Variants in CDH13 observed in about 807,000 individuals in gnomAD.
CDH13 encodes cadherin-13.
A neutral mutation model predicts 63.8 loss-of-function variants in CDH13; 24 were observed. That is an observed-to-expected ratio of 0.38 (90% CI 0.27 to 0.53). The LOEUF (loss-of-function observed/expected upper bound fraction) is 0.53, where lower values mean the gene tolerates loss of function less well. Among genes scored for constraint, CDH13 ranks in the 20% least tolerant of loss-of-function variants. CDH13 has a pLI of 0.85. For synonymous variants in CDH13, 503 were observed against 355.3 expected, an observed-to-expected ratio of 1.42 and a Z score of -4.67; for missense variants, 1,049 against 903.1, an observed-to-expected ratio of 1.16 and a Z score of -2.07.
At chr16:83,477,681 G>T (rs759073999) in intron 6 of CDH13, among the ~76,000 whole-genome samples, 4 of 152,184 alleles carry the variant, frequency 2.6e-5, no homozygotes, top group African/African-American at 4.8e-5. Context: ...TTTTAAAGTT[G>T]TAATCTGGAG....
chr16:82,743,719 T>C (rs4783262), intron 1 of CDH13, among the ~76,000 whole-genome samples: 58,811 of 151,898 alleles, frequency 0.39, 12,104 homozygotes, highest in South Asian at 0.48. Flanking sequence ...AAGTGTTGCT[T>C]GTCCCCCACT....
intron 4 of CDH13, among the ~76,000 whole-genome samples, chr16:83,168,138 C>T (rs766432548): frequency 2.6e-5 from 4 of 151,882 alleles, no homozygotes; most frequent in Non-Finnish European, 4.4e-5. Context: ...CAAACCTCAG[C>T]GCCACACAAT....
At chr16:83,136,980 A>G (rs2036317470) in intron 4 of CDH13, among the ~76,000 whole-genome samples, 1 of 152,238 alleles carries the variant, frequency 6.6e-6, no homozygotes, top group East Asian at 1.9e-4. Context: ...CTGAATGTTT[A>G]ACAATGGACT....
At chr16:83,068,854 A>G (rs564274503) in intron 3 of CDH13, among the ~76,000 whole-genome samples, 3 of 152,168 alleles carry the variant, frequency 2.0e-5, no homozygotes, top group Non-Finnish European at 4.4e-5. Context: ...TTGTTGTTCA[A>G]TTTCTGGCCA....
intron 2 of CDH13, among the ~76,000 whole-genome samples, chr16:82,912,206 T>C (rs1384296464): frequency 6.6e-6 from 1 of 152,248 alleles, no homozygotes; most frequent in Non-Finnish European, 1.5e-5. Context: ...CTGAGACATG[T>C]TCAAATGTTG....
At chr16:83,286,445 G>A (rs180874245) in intron 5 of CDH13, among the ~76,000 whole-genome samples, 16 of 152,254 alleles carry the variant, frequency 1.1e-4, no homozygotes, top group Admixed American at 3.3e-4. Flanking sequence ...ACAAATTTGG[G>A]TGATAGAAGT....
intron 3 of CDH13, among the ~76,000 whole-genome samples, chr16:83,109,959 A>T (rs569869040): frequency 6.6e-6 from 1 of 152,190 alleles, no homozygotes; most frequent in Admixed American, 6.5e-5. Flanking sequence ...TTCAGAGGCA[A>T]TTGCATCTTG....
At chr16:83,213,453 T>C (rs2039396890) in intron 4 of CDH13, among the ~76,000 whole-genome samples, 1 of 152,030 alleles carries the variant, frequency 6.6e-6, no homozygotes, top group South Asian at 2.1e-4. Flanking sequence ...GGGTGCTGTG[T>C]TCCCAACTTT....
chr16:83,508,519 T>G (rs989067243), intron 7 of CDH13: 7 of 152,614 alleles, frequency 4.6e-5, no homozygotes, highest in African/African-American at 1.7e-4. Context: ...CATGGGAGTG[T>G]GCTCAGTCTT....
intron 1 of CDH13, among the ~76,000 whole-genome samples, chr16:82,757,852 C>T (rs1306017280): frequency 2.6e-5 from 4 of 151,946 alleles, no homozygotes; most frequent in South Asian, 2.1e-4. Context: ...AGTTTCACCA[C>T]GTTACACAAG....
intron 1 of CDH13, among the ~76,000 whole-genome samples, chr16:82,776,531 T>C (rs141617770): frequency 1.1e-3 from 162 of 152,342 alleles, no homozygotes; most frequent in African/African-American, 3.7e-3. Flanking sequence ...AGTATTATAA[T>C]GTGCAGACAA....
chr16:82,648,890 G>T (rs1910410512), intron 1 of CDH13, among the ~76,000 whole-genome samples: 2 of 152,162 alleles, frequency 1.3e-5, no homozygotes, highest in South Asian at 4.1e-4. Context: ...GATTGAATCA[G>T]GAAACACCCA....
At chr16:82,640,325 GTGT>G (rs540086847) in intron 1 of CDH13, among the ~76,000 whole-genome samples, 2 of 152,172 alleles carry the variant, frequency 1.3e-5, no homozygotes, top group South Asian at 2.1e-4. Context: ...CACTGATAAA[GTGT>G]TGTTGGTCAA....
intron 5 of CDH13, among the ~76,000 whole-genome samples, chr16:83,342,305 C>G (rs1027408938): frequency 6.6e-6 from 1 of 152,156 alleles, no homozygotes; most frequent in African/African-American, 2.4e-5. Flanking sequence ...ATCTTTTTCT[C>G]TTGTTTATCA....
At chr16:83,170,527 C>T (rs1237540106) in intron 4 of CDH13, among the ~76,000 whole-genome samples, 1 of 152,108 alleles carries the variant, frequency 6.6e-6, no homozygotes, top group African/African-American at 2.4e-5. Context: ...TCCACTCTAT[C>T]AGCCTTTGAG....
intron 2 of CDH13, among the ~76,000 whole-genome samples, chr16:82,886,614 A>C (rs1434787451): frequency 6.6e-6 from 1 of 151,070 alleles, no homozygotes; most frequent in East Asian, 1.9e-4. Flanking sequence ...CAGGGCTTAA[A>C]ATTTTTACTT....
chr16:82,756,974 A>T (rs924343691), intron 1 of CDH13, among the ~76,000 whole-genome samples: 4 of 152,076 alleles, frequency 2.6e-5, no homozygotes, highest in African/African-American at 7.2e-5. Flanking sequence ...TGGCTGGCAC[A>T]TTATCTTTGT....
intron 3 of CDH13, among the ~76,000 whole-genome samples, chr16:83,087,671 C>CAAAAAA (rs67228844): frequency 4.5e-5 from 2 of 44,000 alleles, no homozygotes; most frequent in African/African-American, 1.7e-4. Context: ...CCCTCCGTCT[C>CAAAAAA]AAAAAAAAAA....
At chr16:83,186,859 C>G (rs1172604245) in intron 4 of CDH13, among the ~76,000 whole-genome samples, 1 of 152,106 alleles carries the variant, frequency 6.6e-6, no homozygotes, top group African/African-American at 2.4e-5. Flanking sequence ...AGTGGTGCCC[C>G]CATTGAAGCA....
Sources: gnomAD v4.1 joint callset for allele counts (sites outside exome capture counted in the v4.1 genomes callset) on GRCh38, gnomAD v4.1.1 for gene constraint, MANE v1.5 for transcripts, NCBI Gene and HGNC (gene_info 2026-07-23, HGNC 2026-07-21) for gene names.